PPP6R2: variants seen among roughly 807,000 people sequenced by gnomAD.
The protein encoded by PPP6R2 is serine/threonine-protein phosphatase 6 regulatory subunit 2.
In PPP6R2, 62 loss-of-function variants were observed where a neutral mutation model predicts 100.2. The ratio of observed to expected loss-of-function variants is 0.62; its 90% CI spans 0.50 to 0.76. The LOEUF (loss-of-function observed/expected upper bound fraction) is 0.76. PPP6R2 is among the 30% of genes least tolerant of loss of function. The probability of loss-of-function intolerance (pLI) is 0.00; values close to 1 mark genes in which losing one functional copy is unlikely to be tolerated. For synonymous variants in PPP6R2, 525 were observed against 514.7 expected (o/e 1.02, Z -0.27); for missense variants, 1,142 against 1,276.3 (o/e 0.89, Z 1.60).
In PPP6R2 at chr22:50,434,885, C is replaced by G. The variant is rs1335805944; in HGVS notation, c.1401-81C>G. The G allele has an allele frequency of 6.2e-6, 8 of 1,289,330 alleles. No homozygotes were observed. The Admixed American group carries it at 1.1e-4, about 18-fold the overall frequency. The allele number at this position is 1,289,330 out of a possible 1,614,324, so 79.9% of individuals were successfully genotyped here. A position where few individuals can be genotyped will look rare whatever the true frequency, so the allele number is the denominator to read the frequency against. On this transcript the variant is annotated intron_variant, in intron 12 of 23. Coordinates refer to ENST00000612753, the MANE Select transcript of PPP6R2 (RefSeq NM_001242898.2). ...TGCTCTCCGAAGTGAACCTGGAGGC[C>G]TCTGCCACTTGGCTCTCTGGGTCGT... is the stretch of plus-strand genomic sequence containing the variant.
intron 2 of PPP6R2, among the ~76,000 whole-genome samples, chr22:50,391,432 CAA>C (rs57682271): frequency 1.4e-4 from 9 of 65,280 alleles, no homozygotes; most frequent in Non-Finnish European, 1.4e-4. Flanking sequence ...GACTCCGTCT[CAA>C]AAAAAAAAAA....
rs1402314544 is a variant in PPP6R2, at chr22:50,432,259, C to T, written c.1336-6C>T. The T allele has an allele frequency of 9.0e-6, 14 of 1,549,642 alleles. No individual in the cohort carries two copies. Among genetic ancestry groups the T allele is most frequent in the Admixed American group, 2.0e-5 (1 of 50,994 alleles). On this transcript the variant is annotated splice_region_variant and splice_polypyrimidine_tract_variant and intron_variant, in intron 11 of 23. Transcript: ENST00000612753. The stretch of plus-strand genomic sequence containing the variant: ...ACTCACGCTGTCCCCCTGCCCCGCC[C>T]CCCAGCTGTTCCAGAAGTGCTGCCT...
chr22:50,336,940 A>G, the PPP6R2 span, among the ~76,000 whole-genome samples: 11 of 152,150 alleles, frequency 7.2e-5, no homozygotes, highest in Non-Finnish European at 1.2e-4. Context: ...TTTCTTGAAC[A>G]CAAACTTAAC....
At chr22:50,334,673 A>C in the PPP6R2 span, among the ~76,000 whole-genome samples, 2 of 152,212 alleles carry the variant, frequency 1.3e-5, no homozygotes, top group South Asian at 2.1e-4. Context: ...ACCAACAAAA[A>C]CACCTGCTGA....
intron 1 of PPP6R2, among the ~76,000 whole-genome samples, chr22:50,365,506 G>T (rs1403430373): frequency 2.0e-5 from 3 of 151,676 alleles, no homozygotes; most frequent in Non-Finnish European, 4.4e-5. Context: ...GTGAAACCTC[G>T]TCTCTACTAA....
chr22:50,378,604 T>C (rs1287704812), intron 2 of PPP6R2, among the ~76,000 whole-genome samples: 7 of 151,352 alleles, frequency 4.6e-5, no homozygotes, highest in Non-Finnish European at 1.0e-4. Flanking sequence ...TTATCTACTG[T>C]AGTTGAATGT....
At chr22:50,409,228 G>A (rs2059401850) in intron 4 of PPP6R2, among the ~76,000 whole-genome samples, 1 of 152,142 alleles carries the variant, frequency 6.6e-6, no homozygotes, top group Non-Finnish European at 1.5e-5. Context: ...TCAGTGAAAT[G>A]ACCGTCCGCA....
chr22:50,355,080 C>T (rs1206131819), intron 1 of PPP6R2, among the ~76,000 whole-genome samples: 7 of 151,784 alleles, frequency 4.6e-5, no homozygotes, highest in Non-Finnish European at 7.4e-5. Flanking sequence ...TGGACTTAAG[C>T]GATCCTCCCA....
chr22:50,368,471 G>C (rs1401276091), intron 1 of PPP6R2, among the ~76,000 whole-genome samples: 1 of 152,114 alleles, frequency 6.6e-6, no homozygotes, highest in Non-Finnish European at 1.5e-5. Context: ...GTATGGCCTG[G>C]TTTTTCCTAG....
At chr22:50,401,568 G>A (rs1287989105) in intron 3 of PPP6R2, among the ~76,000 whole-genome samples, 1 of 149,550 alleles carries the variant, frequency 6.7e-6, no homozygotes, top group Non-Finnish European at 1.5e-5. Flanking sequence ...CTGGAGTACA[G>A]TGATGCGATC....
chr22:50,422,152 GT>G, intron 8 of PPP6R2, 101 bp from the exon 9 acceptor site: 1 of 1,476,116 alleles, frequency 6.8e-7, no homozygotes, highest in East Asian at 2.3e-5. Flanking sequence ...TTTTGGGAAA[GT>G]TAAAAGGGCT....
At chr22:50,334,192 C>T in the PPP6R2 span, among the ~76,000 whole-genome samples, 1 of 152,186 alleles carries the variant, frequency 6.6e-6, no homozygotes, top group Non-Finnish European at 1.5e-5. Flanking sequence ...TGATGTCAGG[C>T]CTTCCACAAG....
the PPP6R2 span, among the ~76,000 whole-genome samples, chr22:50,335,003 C>T: frequency 6.6e-6 from 1 of 151,996 alleles, no homozygotes; most frequent in Non-Finnish European, 1.5e-5. Flanking sequence ...CCAGAGATTA[C>T]ATTGGATCCA....
intron 2 of PPP6R2, among the ~76,000 whole-genome samples, chr22:50,381,918 A>C: frequency 6.6e-6 from 1 of 151,938 alleles, no homozygotes. Context: ...AAAAAAAAAA[A>C]AAAGAAAAAA....
chr22:50,406,111 G>A, intron 3 of PPP6R2, among the ~76,000 whole-genome samples: 1 of 137,178 alleles, frequency 7.3e-6, no homozygotes, highest in African/African-American at 2.8e-5. Flanking sequence ...GGAGGTGAGA[G>A]ACCTGGCAGG....
upstream of PPP6R2, among the ~76,000 whole-genome samples, chr22:50,338,856 G>T (rs2042334573): frequency 6.8e-6 from 1 of 146,318 alleles, no homozygotes; most frequent in Non-Finnish European, 1.5e-5. Context: ...TGTGTGGTGT[G>T]TGATGTGTGT....
At chr22:50,357,125 A>G (rs1415210022) in intron 1 of PPP6R2, among the ~76,000 whole-genome samples, 1 of 152,104 alleles carries the variant, frequency 6.6e-6, no homozygotes, top group Non-Finnish European at 1.5e-5. Context: ...ATGAATTATG[A>G]TGGTGAGCAA....
At chr22:50,363,304 T>C (rs2048144363) in intron 1 of PPP6R2, among the ~76,000 whole-genome samples, 2 of 152,198 alleles carry the variant, frequency 1.3e-5, no homozygotes. Flanking sequence ...GCCTTTAAGT[T>C]GCAATCTGTG....
At chr22:50,363,481 C>T (rs938372899) in intron 1 of PPP6R2, among the ~76,000 whole-genome samples, 1 of 152,162 alleles carries the variant, frequency 6.6e-6, no homozygotes, top group Non-Finnish European at 1.5e-5. Flanking sequence ...TGGAGTTAGC[C>T]TAGGCCTGAG....
Sources: gnomAD v4.1 joint callset for allele counts (sites outside exome capture counted in the v4.1 genomes callset) on GRCh38, gnomAD v4.1.1 for gene constraint, MANE v1.5 for transcripts, NCBI Gene and HGNC (gene_info 2026-07-23, HGNC 2026-07-21) for gene names.